Variants in ERC2 observed in about 807,000 individuals in gnomAD.
The protein encoded by ERC2 is ERC protein 2.
Under a neutral mutation model 114.8 loss-of-function variants are expected in ERC2, and 42 were observed. That is an observed-to-expected ratio of 0.37 (90% CI 0.29 to 0.47). The LOEUF is 0.47. Ranked by LOEUF, ERC2 falls within the 20% of genes least tolerant of loss-of-function variation. ERC2 has a pLI of 0.99. For missense variants in ERC2, 939 were observed against 1,150.7 expected, an observed-to-expected ratio of 0.82 and a Z score of 2.66; for synonymous variants, 454 against 425.5, an observed-to-expected ratio of 1.07 and a Z score of -0.82.
At chr3:55,573,947 A>T (rs2056849545) in intron 17 of ERC2, among the ~76,000 whole-genome samples, 1 of 152,164 alleles carries the variant, frequency 6.6e-6, no homozygotes, top group Non-Finnish European at 1.5e-5. Context: ...AACAGCTGTC[A>T]ATAAATGCAA....
At chr3:56,165,382 C>A (rs771216470) in intron 4 of ERC2, among the ~76,000 whole-genome samples, 4 of 151,832 alleles carry the variant, frequency 2.6e-5, no homozygotes, top group African/African-American at 9.7e-5. Flanking sequence ...ACGTTAGTTA[C>A]ATATGTATAC....
chr3:55,732,931 C>T (rs1012456608), intron 15 of ERC2, among the ~76,000 whole-genome samples: 1 of 152,110 alleles, frequency 6.6e-6, no homozygotes, highest in African/African-American at 2.4e-5. Flanking sequence ...TGGATGAGCT[C>T]TTATGCACCC....
intron 1 of ERC2, among the ~76,000 whole-genome samples, chr3:56,449,016 A>C (rs1396869170): frequency 6.8e-6 from 1 of 147,668 alleles, no homozygotes; most frequent in East Asian, 2.0e-4. Context: ...CAGAGCTTGC[A>C]GTCAGCCGAG....
chr3:56,420,364 G>A (rs1048843969), intron 2 of ERC2, among the ~76,000 whole-genome samples: 1 of 151,306 alleles, frequency 6.6e-6, no homozygotes, highest in Admixed American at 6.6e-5. Context: ...TTTTAGTAAA[G>A]ACAGGATCTT....
chr3:55,854,304 C>T (rs1330274587), intron 14 of ERC2, among the ~76,000 whole-genome samples: 1 of 152,108 alleles, frequency 6.6e-6, no homozygotes, highest in African/African-American at 2.4e-5. Flanking sequence ...CACAAAGCAC[C>T]TAGATAAGAT....
At chr3:55,769,841 C>G (rs1045632568) in intron 14 of ERC2, among the ~76,000 whole-genome samples, 41 of 152,134 alleles carry the variant, frequency 2.7e-4, no homozygotes, top group African/African-American at 9.9e-4. Context: ...TCTGGAAAGG[C>G]AAGTGAATGG....
intron 17 of ERC2, among the ~76,000 whole-genome samples, chr3:55,605,069 G>A (rs1480262289): frequency 1.3e-5 from 2 of 152,004 alleles, no homozygotes; most frequent in Non-Finnish European, 2.9e-5. Context: ...AAATCTGTTT[G>A]CAGAATAAAT....
intron 16 of ERC2, among the ~76,000 whole-genome samples, chr3:55,684,322 GCACACACACA>G (rs148145445): frequency 6.7e-6 from 1 of 149,400 alleles, no homozygotes; most frequent in African/African-American, 2.5e-5. Context: ...ACACACACAC[GCACACACACA>G]CACACACAAC....
intron 2 of ERC2, among the ~76,000 whole-genome samples, chr3:56,348,456 T>A (rs868318652): frequency 6.6e-6 from 1 of 151,316 alleles, no homozygotes; most frequent in Non-Finnish European, 1.5e-5. Context: ...AGATCTTCAA[T>A]TTTTCAAGGG....
intron 14 of ERC2, among the ~76,000 whole-genome samples, chr3:55,750,654 G>C (rs953484020): frequency 6.6e-6 from 1 of 152,164 alleles, no homozygotes; most frequent in Non-Finnish European, 1.5e-5. Context: ...TGAGAGTTGA[G>C]ATGATTCAGT....
At chr3:56,239,234 G>A (rs549306435) in intron 3 of ERC2, among the ~76,000 whole-genome samples, 17 of 152,284 alleles carry the variant, frequency 1.1e-4, no homozygotes, top group African/African-American at 3.8e-4. Flanking sequence ...AAGAATAAAC[G>A]AGCCAGGCAT....
chr3:56,342,300 A>T (rs2058119018), intron 2 of ERC2, among the ~76,000 whole-genome samples: 3 of 152,254 alleles, frequency 2.0e-5, no homozygotes, highest in Admixed American at 2.0e-4. Flanking sequence ...AAATACTGTG[A>T]TCACAAAAAC....
chr3:56,363,279 C>T (rs756482525), intron 2 of ERC2, among the ~76,000 whole-genome samples: 1 of 152,132 alleles, frequency 6.6e-6, no homozygotes, highest in Non-Finnish European at 1.5e-5. Flanking sequence ...TTTGAACAAG[C>T]CATTCACCAC....
At chr3:56,251,961 G>A (rs1436295684) in intron 3 of ERC2, among the ~76,000 whole-genome samples, 1 of 152,120 alleles carries the variant, frequency 6.6e-6, no homozygotes, top group Non-Finnish European at 1.5e-5. Context: ...TGAAGTAACT[G>A]GTCCTCAATT....
chr3:56,150,792 G>A (rs1270519116), intron 4 of ERC2, among the ~76,000 whole-genome samples: 1 of 152,122 alleles, frequency 6.6e-6, no homozygotes, highest in East Asian at 1.9e-4. Flanking sequence ...GTTATGGACT[G>A]AATGTTGAGT....
At chr3:55,655,237 C>T (rs1165180156) in intron 17 of ERC2, among the ~76,000 whole-genome samples, 1 of 131,782 alleles carries the variant, frequency 7.6e-6, no homozygotes, top group Non-Finnish European at 1.7e-5. Flanking sequence ...CTTGCCTTCC[C>T]ATTGCCTTAT....
chr3:55,513,087 C>G (rs1296536106), intron 17 of ERC2, among the ~76,000 whole-genome samples: 2 of 152,218 alleles, frequency 1.3e-5, no homozygotes, highest in African/African-American at 4.8e-5. Flanking sequence ...TCACAGCGGC[C>G]CTTACCCTTC....
At chr3:55,891,913 A>G (rs2063625212) in intron 13 of ERC2, among the ~76,000 whole-genome samples, 1 of 152,196 alleles carries the variant, frequency 6.6e-6, no homozygotes, top group Non-Finnish European at 1.5e-5. Context: ...ACAGCTAAAC[A>G]TGCCCCCAAG....
chr3:56,386,270 A>G (rs1171043967), intron 2 of ERC2, among the ~76,000 whole-genome samples: 1 of 152,174 alleles, frequency 6.6e-6, no homozygotes, highest in Non-Finnish European at 1.5e-5. Context: ...ACTTCAGTGT[A>G]TTCTACATTA....
Sources: allele counts gnomAD v4.1 joint callset (sites outside exome capture counted in the v4.1 genomes callset), GRCh38; gene constraint gnomAD v4.1.1; transcripts MANE v1.5; gene names NCBI Gene and HGNC (gene_info 2026-07-23, HGNC 2026-07-21).